The following MYO9A variants were observed in gnomAD, a reference collection of about 807,000 sequenced individuals.
MYO9A encodes unconventional myosin-IXa.
Under a neutral mutation model 293.3 loss-of-function variants are expected in MYO9A, and 103 were observed. The observed-to-expected ratio is 0.35, with a 90% CI of 0.30 to 0.41. The LOEUF (loss-of-function observed/expected upper bound fraction) is 0.41. Ranked by LOEUF, MYO9A falls within the 10% of genes least tolerant of loss-of-function variation. MYO9A has a pLI of 1.00. For synonymous variants in MYO9A, 1,001 were observed against 1,035.7 expected (o/e 0.97, Z 0.64); for missense variants, 2,685 against 3,033.0 (o/e 0.89, Z 2.69).
chr15:72,018,021 G>A (rs1486470535), intron 6 of MYO9A, among the ~76,000 whole-genome samples: 4 of 151,902 alleles, frequency 2.6e-5, no homozygotes, highest in African/African-American at 9.7e-5. Context: ...GAGGTCAGAG[G>A]TTCAAGACCA....
chr15:72,054,110 C>T (rs978772686), intron 1 of MYO9A, among the ~76,000 whole-genome samples: 1 of 151,958 alleles, frequency 6.6e-6, no homozygotes, highest in African/African-American at 2.4e-5. Context: ...GAAGAAATAC[C>T]ATGCAAACAC....
intron 2 of MYO9A, among the ~76,000 whole-genome samples, chr15:72,042,732 A>T (rs2078263355): frequency 6.6e-6 from 1 of 151,886 alleles, no homozygotes; most frequent in African/African-American, 2.4e-5. Flanking sequence ...GACATGACTG[A>T]CTATATGAAA....
At chr15:71,960,219 A>G (rs2146985141) in intron 13 of MYO9A, 123 bp from the exon 14 acceptor site, 1 of 799,338 alleles carries the variant, frequency 1.3e-6, no homozygotes. Context: ...TGATTCCCCC[A>G]TGGTGGAGAT....
At chr15:72,050,850 CAG>C (rs1257010487) in intron 1 of MYO9A, among the ~76,000 whole-genome samples, 1 of 152,176 alleles carries the variant, frequency 6.6e-6, no homozygotes, top group Admixed American at 6.5e-5. Flanking sequence ...CAAAATTCCA[CAG>C]AGTTGGTAAT....
chr15:71,859,618 C>T (rs1389044530), intron 34 of MYO9A, 117 bp downstream of exon 34: 1 of 737,084 alleles, frequency 1.4e-6, no homozygotes, highest in Non-Finnish European at 2.2e-6. Flanking sequence ...GATTTGTGGT[C>T]AAAAAGTTTA....
chr15:72,083,745 TA>T (rs2079623249), intron 1 of MYO9A, among the ~76,000 whole-genome samples: 1 of 152,234 alleles, frequency 6.6e-6, no homozygotes, highest in Non-Finnish European at 1.5e-5. Context: ...GTTTTTGCCT[TA>T]ATTTCATGGT....
intron 2 of MYO9A, among the ~76,000 whole-genome samples, chr15:72,044,767 T>C (rs2078332475): frequency 6.6e-6 from 1 of 152,234 alleles, no homozygotes; most frequent in African/African-American, 2.4e-5. Context: ...CTTGCAGAAA[T>C]ACAAATATAT....
At chr15:71,935,731 C>T (rs1467725950) in intron 16 of MYO9A, among the ~76,000 whole-genome samples, 1 of 152,066 alleles carries the variant, frequency 6.6e-6, no homozygotes, top group Non-Finnish European at 1.5e-5. Flanking sequence ...TATCATGTAG[C>T]TGATATCTTT....
At chr15:72,067,301 ATTAAT>A (rs937007625) in intron 1 of MYO9A, among the ~76,000 whole-genome samples, 16 of 151,922 alleles carry the variant, frequency 1.1e-4, no homozygotes, top group South Asian at 8.3e-4. Context: ...ATACTAATTA[ATTAAT>A]TTATTTCATT....
chr15:71,957,955 A>G (rs1448606039), intron 14 of MYO9A, among the ~76,000 whole-genome samples: 3 of 152,168 alleles, frequency 2.0e-5, no homozygotes, highest in Non-Finnish European at 4.4e-5. Flanking sequence ...TCAGTTCTAC[A>G]TACTGTATAA....
At chr15:72,092,828 C>G (rs924216347) in intron 1 of MYO9A, among the ~76,000 whole-genome samples, 2 of 151,894 alleles carry the variant, frequency 1.3e-5, no homozygotes, top group African/African-American at 4.8e-5. Flanking sequence ...GCTTGCAGCC[C>G]AAACAAAACA....
Position 71,951,863 on chromosome 15 carries a change from T to C in MYO9A, c.2216A>G (p.Lys739Arg). Reference protein sequence around the residue: ...HDDTAPCAILKSMDSFSFLQH... With the variant: ...HDDTAPCAILRSMDSFSFLQH... ...GAGAAAGCTAAAACTATCCATACTT[T>C]TCAAAATTGCACATGGCGCTGTATC... is the stretch of plus-strand genomic sequence containing the variant. The change falls in exon 15 of 42, where the codon AAA becomes AGA. Residue 739 changes from lysine (K) to arginine (R), a missense_variant. Lys to Arg is a conservative substitution (Grantham distance 26). This residue lies in a region of MYO9A where 1,434 missense variants were observed against 1,497.7 expected (regional missense o/e 0.96). Coordinates refer to ENST00000356056, the MANE Select transcript of MYO9A (RefSeq NM_006901.4). The C allele has an allele frequency of 6.2e-7, 1 of 1,612,192 alleles. No individual in the cohort carries two copies. The highest frequency in any genetic ancestry group is 8.5e-7 in the Non-Finnish European group (1 of 1,179,404).
chr15:72,077,026 C>CA (rs34070169), intron 1 of MYO9A, among the ~76,000 whole-genome samples: 94,279 of 147,572 alleles, frequency 0.64, 30,855 homozygotes, highest in Middle Eastern at 0.74. Context: ...CAACTACATC[C>CA]AAAAAAAAAA....
At chr15:72,028,078 TC>T (rs1177369896) in intron 3 of MYO9A, among the ~76,000 whole-genome samples, 1 of 151,288 alleles carries the variant, frequency 6.6e-6, no homozygotes, top group Non-Finnish European at 1.5e-5. Context: ...GCACCTGTAA[TC>T]CCAGTTACTC....
At chr15:72,113,699 C>A (rs1465521517) in intron 1 of MYO9A, among the ~76,000 whole-genome samples, 1 of 152,184 alleles carries the variant, frequency 6.6e-6, no homozygotes, top group African/African-American at 2.4e-5. Flanking sequence ...CCCATACTTT[C>A]CACCATTAAG....
At chr15:72,031,046 G>C (rs2149404793) in intron 3 of MYO9A, among the ~76,000 whole-genome samples, 1 of 152,212 alleles carries the variant, frequency 6.6e-6, no homozygotes, top group South Asian at 2.1e-4. Context: ...ACCCTATTGT[G>C]AATCACACAT....
At chr15:71,887,550 C>G (rs908092750) in intron 27 of MYO9A, among the ~76,000 whole-genome samples, 6 of 152,106 alleles carry the variant, frequency 3.9e-5, no homozygotes, top group African/African-American at 1.4e-4. Flanking sequence ...CATAAATTTA[C>G]CTTCCCAGTT....
intron 26 of MYO9A, among the ~76,000 whole-genome samples, chr15:71,888,844 C>G (rs1217386780): frequency 6.6e-6 from 1 of 152,110 alleles, no homozygotes; most frequent in East Asian, 1.9e-4. Flanking sequence ...GCCTTATTAA[C>G]AGAAAGAGGA....
Position 72,046,472 on chromosome 15 carries a change from T to C in MYO9A, c.92A>G (p.Tyr31Cys). ...GTTTTTTCTGGCAGGAATCGGACAG[T>C]AGATTGTCCCTTCTGAAATAGCCCC... ...YPGAISEGTI[Y>C]CPIPARKNST... Residue 31 changes from tyrosine to cysteine, a missense_variant, in exon 2 of 42, where the codon TAC becomes TGC. Coordinates refer to ENST00000356056, the MANE Select transcript of MYO9A (RefSeq NM_006901.4). The C allele has an allele frequency of 6.2e-7, 1 of 1,614,180 alleles. No individual in the cohort carries two copies. The highest frequency in any genetic ancestry group is 8.5e-7 in the Non-Finnish European group (1 of 1,180,030).
Sources: allele counts gnomAD v4.1 joint callset (sites outside exome capture counted in the v4.1 genomes callset), GRCh38; gene constraint gnomAD v4.1.1; regional missense constraint gnomAD v4.1.1; transcripts MANE v1.5; gene names NCBI Gene and HGNC (gene_info 2026-07-23, HGNC 2026-07-21).